The following UBA5 variants were observed in gnomAD, a reference collection of about 807,000 sequenced individuals.
UBA5 encodes the protein ubiquitin like modifier activating enzyme 5.
In UBA5, 28 loss-of-function variants were observed where a neutral mutation model predicts 52.9. The observed-to-expected ratio is 0.53, with a 90% CI of 0.39 to 0.73. UBA5 has a LOEUF of 0.73. UBA5 is among the 30% of genes least tolerant of loss of function. The pLI, the probability that UBA5 is intolerant of heterozygous loss-of-function variation, is 0.00. For missense variants in UBA5, 388 were observed against 492.7 expected (o/e 0.79, Z 2.01); for synonymous variants, 135 against 162.1 (o/e 0.83, Z 1.27).
At chr3:132,675,418 A>T (rs746084426) in intron 9 of UBA5, 35 bp downstream of exon 9, 5 of 1,607,670 alleles carry the variant, frequency 3.1e-6, no homozygotes, top group Non-Finnish European at 4.3e-6. Flanking sequence ...ATGAGGGATC[A>T]TATTGAATAG....
In UBA5 at chr3:132,660,495, G is replaced by A; in HGVS notation, c.-43G>A. Reference sequence around the variant, plus strand: ...CGAGCAACGTGGGGCGAAGGCGGCGGCGAAGGCCCGGGCTGGGAGCGTTGG... The same window carrying A: ...CGAGCAACGTGGGGCGAAGGCGGCGACGAAGGCCCGGGCTGGGAGCGTTGG... On this transcript the variant is annotated 5_prime_UTR_variant, in exon 1 of 12. Transcript: ENST00000356232. The surrounding 1 kb of genome is among the most constrained non-coding windows in gnomAD (Gnocchi z 4.1). 5 of 1,543,170 alleles carry A rather than the reference G, an allele frequency of 3.2e-6. No homozygotes were observed. The highest frequency in any genetic ancestry group is 4.4e-6 in the Non-Finnish European group (5 of 1,145,650).
At chr3:132,675,714 TA>T in intron 10 of UBA5, 34 bp downstream of exon 10, 1 of 1,569,868 alleles carries the variant, frequency 6.4e-7, no homozygotes, top group Non-Finnish European at 8.7e-7. Context: ...AATGGCAGTA[TA>T]AAACAAAACC....
chr3:132,660,042 T>C, upstream of UBA5: 1 of 390,836 alleles, frequency 2.6e-6, no homozygotes, highest in East Asian at 4.5e-5. This position sits in a 1 kb window ranked among gnomAD's most constrained non-coding sequence, Gnocchi z 4.1. Context: ...GCCATGGTCA[T>C]CGTTGCGGGT....
In UBA5 at chr3:132,670,783, G is replaced by A. The variant is rs572999041; in HGVS notation, c.495-182G>A. On this transcript the variant is annotated intron_variant, in intron 5 of 11. Coordinates refer to ENST00000356232, the MANE Select transcript of UBA5 (RefSeq NM_024818.6). ...ACAATGATACTGTAGTATCATTGAT[G>A]TTATATTCATAAGTTACTCAATACT... 24 of 413,094 alleles carry A rather than the reference G, an allele frequency of 5.8e-5. No homozygotes were observed. The Admixed American group carries it at 6.3e-4, about 11-fold the overall frequency. The allele number at this position is 413,094 out of a possible 1,614,324, so 25.6% of individuals were successfully genotyped here.
Position 132,675,880 on chromosome 3 carries a change from A to T in UBA5, c.1088A>T (p.Asp363Val), listed in dbSNP as rs1489261004. The T allele has an allele frequency of 1.9e-6, 3 of 1,611,670 alleles. No individual in the cohort carries two copies. In the African/African-American group the frequency reaches 4.0e-5, roughly 22 times the overall value. ...AAAAATTTTTCAGGTCCAGTTCCAG[A>T]CTTACCTGAAGGAATTACAGTGGCA... ...ELKNFSGPVP[D>V]LPEGITVAYT... The change falls in exon 11 of 12, where the codon GAC becomes GTC. Residue 363 changes from aspartate to valine, a missense_variant. Physicochemically the swap from Asp to Val is radical, Grantham distance 152. Around this residue, in one of 3 missense-constraint regions of UBA5, gnomAD observed 277 missense variants for 326.4 expected, o/e 0.85. Coordinates refer to ENST00000356232, the MANE Select transcript of UBA5 (RefSeq NM_024818.6).
chr3:132,654,444 C>T (rs1937673759), upstream of UBA5: 1 of 152,156 alleles, frequency 6.6e-6, no homozygotes, highest in South Asian at 2.1e-4. Flanking sequence ...GTGTGGTGGA[C>T]TGAGGTGATA....
chr3:132,670,284 G>T lies in UBA5; in HGVS notation c.494G>T (p.Ser165Ile). 1 of 1,273,068 alleles carries T rather than the reference G, an allele frequency of 7.9e-7. No homozygotes were observed. Among genetic ancestry groups the T allele is most frequent in the Admixed American group, 2.0e-5 (1 of 49,562 alleles). 78.9% of individuals were successfully genotyped at this position (1,273,068 alleles called of 1,614,324 possible). A position where few individuals can be genotyped will look rare whatever the true frequency, so the allele number is the denominator to read the frequency against. ...TTTCAACATTTCATGGATAGAATAA[G>T]GTAAAATTTTAATTTATGAATATTT... is the stretch of plus-strand genomic sequence containing the variant. ...ENFQHFMDRI[S>I]NGGLEEGKPV... Residue 165 changes from serine (S) to isoleucine (I), a missense_variant and splice_region_variant, in exon 5 of 12, where the codon AGT (serine) becomes ATT (isoleucine). By Grantham distance (142) the Ser-to-Ile change is moderately radical (BLOSUM62 -2). Transcript: ENST00000356232.
intron 8 of UBA5, among the ~76,000 whole-genome samples, chr3:132,674,132 G>A (rs1231938039): frequency 6.6e-6 from 1 of 152,128 alleles, no homozygotes. Context: ...ATTCTGGTGG[G>A]TAAAAAACAG....
upstream of UBA5, among the ~76,000 whole-genome samples, chr3:132,656,551 T>C: frequency 6.6e-6 from 1 of 151,700 alleles, no homozygotes; most frequent in South Asian, 2.1e-4. Flanking sequence ...TGGAGTGCAG[T>C]GCTGTGATCT....
intron 1 of UBA5, 177 bp from the exon 2 acceptor site, chr3:132,665,646 C>T (rs560998636): frequency 1.9e-5 from 11 of 581,910 alleles, no homozygotes; most frequent in South Asian, 7.4e-5. Context: ...TTTTTTTAAA[C>T]GGTGCCTGGG....
upstream of UBA5, among the ~76,000 whole-genome samples, chr3:132,656,849 G>GTT (rs200968218): frequency 6.9e-6 from 1 of 143,926 alleles, no homozygotes; most frequent in African/African-American, 2.5e-5. Context: ...TCATTGTGTT[G>GTT]TTTTTTTTTT....
intron 8 of UBA5, 105 bp downstream of exon 8, chr3:132,672,282 TTTAG>T: frequency 7.6e-7 from 1 of 1,313,622 alleles, no homozygotes; most frequent in Non-Finnish European, 1.0e-6. Context: ...AAGTATATAA[TTTAG>T]TTACTTTAAA....
intron 8 of UBA5, among the ~76,000 whole-genome samples, chr3:132,673,707 G>T (rs1026296190): frequency 1.3e-5 from 2 of 150,398 alleles, no homozygotes; most frequent in African/African-American, 4.9e-5. Context: ...CTGTCACCCA[G>T]GCTGGAGTGC....
In UBA5 at chr3:132,668,938, T is replaced by G. The variant is rs1576645436; in HGVS notation, c.407+11T>G. ...AGAACATACTCTGAGGTAAATGGAATAGCAATCAAGTACCATATTCAGTGA... is the reference window on the plus strand; with the variant it reads ...AGAACATACTCTGAGGTAAATGGAAGAGCAATCAAGTACCATATTCAGTGA... On this transcript the variant is annotated intron_variant, in intron 4 of 11. Transcript: ENST00000356232. 4 of 1,518,484 alleles carry G rather than the reference T, an allele frequency of 2.6e-6. No homozygotes were observed. The East Asian group carries it at 6.8e-5, about 26-fold the overall frequency. 94.1% of individuals were successfully genotyped at this position (1,518,484 alleles called of 1,614,324 possible).
intron 7 of UBA5, 37 bp from the exon 8 acceptor site, chr3:132,672,011 TTC>T (rs762158063): frequency 1.2e-5 from 20 of 1,609,770 alleles, no homozygotes; most frequent in African/African-American, 8.0e-5. Context: ...CTCATACTTT[TTC>T]TCTTTTTTTT....
intron 3 of UBA5, chr3:132,668,158 AGTGTGTGT>A (rs10596982): frequency 0.013 from 1,827 of 145,970 alleles, 32 homozygotes; most frequent in East Asian, 0.085. Flanking sequence ...TGGCCATTTT[AGTGTGTGT>A]GTGTGTGTGT....
At chr3:132,658,257 A>T (rs935214922), upstream of UBA5, among the ~76,000 whole-genome samples, 1 of 152,086 alleles carries the variant, frequency 6.6e-6, no homozygotes, top group African/African-American at 2.4e-5. Context: ...AAACTTTTTC[A>T]TGTGTCCTAG....
At chr3:132,668,761 T>C (rs556528057) in intron 3 of UBA5, 57 bp from the exon 4 acceptor site, 2 of 1,096,590 alleles carry the variant, frequency 1.8e-6, no homozygotes, top group Non-Finnish European at 2.7e-6. Flanking sequence ...ATTTATTTTT[T>C]GATATGTTTA....
At chr3:132,667,171 A>T (rs574443132) in intron 3 of UBA5, 2 of 152,296 alleles carry the variant, frequency 1.3e-5, no homozygotes, top group Admixed American at 1.3e-4. Context: ...TCAGCTCTCA[A>T]TACCTACCTC....
Sources: gnomAD v4.1 joint callset for allele counts (sites outside exome capture counted in the v4.1 genomes callset) on GRCh38, gnomAD v4.1.1 for gene constraint, gnomAD v4.1.1 regional missense constraint, Gnocchi (gnomAD v3.1) non-coding constraint, MANE v1.5 for transcripts, NCBI Gene and HGNC (gene_info 2026-07-23, HGNC 2026-07-21) for gene names.